The following SLC44A3 variants were observed in gnomAD, a reference collection of about 807,000 sequenced individuals.
SLC44A3 encodes solute carrier family 44 member 3.
A neutral mutation model predicts 75.4 loss-of-function variants in SLC44A3; 74 were observed. The ratio of observed to expected loss-of-function variants is 0.98; its 90% confidence interval spans 0.81 to 1.19. The LOEUF (loss-of-function observed/expected upper bound fraction) is 1.19. Among genes scored for constraint, SLC44A3 ranks in the 50% most tolerant of loss-of-function variants. SLC44A3 has a pLI of 0.00. For missense variants in SLC44A3, 700 were observed against 778.6 expected (o/e 0.90, Z 1.20); for synonymous variants, 310 against 296.9 (o/e 1.04, Z -0.45).
rs780411956 is a variant in SLC44A3, at chr1:94,894,843, TAAAC to T, written c.1886_1889del (p.Asn629MetfsTer11). ...AGTTTCGTAAAAAGGAGCAACAAAT[TAAAC>T]AATGCAAGGGCACAGCAGGACAAGC... is the stretch of plus-strand genomic sequence containing the variant. On this transcript the variant is annotated frameshift_variant, in exon 15 of 15. Transcript: ENST00000271227. LOFTEE classifies it low-confidence loss of function (END_TRUNC). The T allele has an allele frequency of 1.9e-6, 3 of 1,611,552 alleles. No individual in the cohort carries two copies. The African/African-American group carries it at 4.0e-5, about 22-fold the overall frequency.
At chr1:94,825,105 GT>G (rs1195263605) in intron 3 of SLC44A3, among the ~76,000 whole-genome samples, 1 of 152,136 alleles carries the variant, frequency 6.6e-6, no homozygotes, top group Non-Finnish European at 1.5e-5. Context: ...CTGGGGACCT[GT>G]GTCCCACCCC....
In SLC44A3 at chr1:94,864,887, A is replaced by G. The variant is rs1666984352; in HGVS notation, c.1383A>G (p.Ala461=). ...TCATTGTCATGTACATGCAAAACGC[A>G]CTGAAAGAACAGGTAAGGCTACCTC... ...PRIIVMYMQN[A]LKEQQHGALS... Residue 461 remains alanine (A), a synonymous_variant, in exon 11 of 15, where the codon GCA becomes GCG. Transcript: ENST00000271227. The G allele has an allele frequency of 4.3e-6, 7 of 1,613,624 alleles. No homozygotes were observed. Among genetic ancestry groups the G allele is most frequent in the Non-Finnish European group, 5.1e-6 (6 of 1,179,850 alleles).
chr1:94,888,239 T>C (rs1669818167), intron 12 of SLC44A3, among the ~76,000 whole-genome samples: 1 of 152,176 alleles, frequency 6.6e-6, no homozygotes, highest in African/African-American at 2.4e-5. Context: ...TAAATAGCAA[T>C]TTTTCCTAAT....
intron 6 of SLC44A3, 46 bp from the exon 7 acceptor site, chr1:94,839,902 A>G: frequency 7.2e-6 from 10 of 1,396,604 alleles, no homozygotes; most frequent in Non-Finnish European, 8.1e-6. Flanking sequence ...CATCTCCCCT[A>G]TCCTTTGTTG....
chr1:94,854,587 T>C (rs1227906332), intron 9 of SLC44A3, among the ~76,000 whole-genome samples: 1 of 152,238 alleles, frequency 6.6e-6, no homozygotes, highest in Non-Finnish European at 1.5e-5. Context: ...GGCAGTCATG[T>C]GTGCCTAAGC....
intron 6 of SLC44A3, 111 bp downstream of exon 6, chr1:94,837,982 G>A (rs1280828337): frequency 3.0e-6 from 3 of 1,011,478 alleles, no homozygotes; most frequent in Non-Finnish European, 4.2e-6. Context: ...ATAAAACTCT[G>A]TATTTTTAAT....
chr1:94,849,353 C>T (rs559909741), intron 9 of SLC44A3, among the ~76,000 whole-genome samples: 1 of 152,132 alleles, frequency 6.6e-6, no homozygotes, highest in African/African-American at 2.4e-5. Flanking sequence ...CACCACCCCC[C>T]TTCCCCACCC....
intron 6 of SLC44A3, 87 bp from the exon 7 acceptor site, chr1:94,839,861 C>A (rs1557821922): frequency 1.1e-6 from 1 of 902,084 alleles, no homozygotes; most frequent in South Asian, 1.3e-5. Context: ...CGTCACTGTT[C>A]TGGAGGGTTT....
chr1:94,841,694 T>G (rs1663668522), intron 7 of SLC44A3, among the ~76,000 whole-genome samples: 1 of 152,076 alleles, frequency 6.6e-6, no homozygotes, highest in African/African-American at 2.4e-5. Flanking sequence ...GTCCATGGGG[T>G]TTTCCTCCTG....
chr1:94,873,962 G>T (rs1312804989), intron 12 of SLC44A3, among the ~76,000 whole-genome samples: 1 of 152,208 alleles, frequency 6.6e-6, no homozygotes, highest in Non-Finnish European at 1.5e-5. Flanking sequence ...GACAGCGGTG[G>T]TTCTGAATCC....
intron 3 of SLC44A3, among the ~76,000 whole-genome samples, chr1:94,826,141 C>A (rs966564443): frequency 2.0e-5 from 3 of 152,160 alleles, no homozygotes; most frequent in African/African-American, 7.2e-5. Context: ...CACAAAAATA[C>A]AAACATTGTA....
chr1:94,881,454 C>T (rs1668966884), intron 12 of SLC44A3, among the ~76,000 whole-genome samples: 1 of 152,184 alleles, frequency 6.6e-6, no homozygotes, highest in Admixed American at 6.5e-5. Flanking sequence ...CCTGTAATCC[C>T]AGCGCTTTGG....
intron 5 of SLC44A3, among the ~76,000 whole-genome samples, chr1:94,833,085 G>A (rs1453688678): frequency 6.6e-6 from 1 of 152,132 alleles, no homozygotes; most frequent in South Asian, 2.1e-4. Flanking sequence ...GAAGGCCATA[G>A]TCCAGGAAGG....
Position 94,824,522 on chromosome 1 carries a change from T to C in SLC44A3, c.165T>C (p.Ala55=). The C allele has an allele frequency of 6.2e-7, 1 of 1,609,786 alleles. No homozygotes were observed. Among genetic ancestry groups the C allele is most frequent in the South Asian group, 1.1e-5 (1 of 90,542 alleles). The change falls in exon 3 of 15, where the codon GCT becomes GCC. Residue 55 remains alanine (A), a synonymous_variant. Coordinates refer to ENST00000271227, the MANE Select transcript of SLC44A3 (RefSeq NM_001114106.3). ...LVFIMGYSVV[A]GAAGRLLFGY... ...TTATCATGGGCTACTCGGTGGTGGC[T>C]GGAGCCGCGGGAAGACTCCTCTTTG...
chr1:94,828,634 G>A, intron 5 of SLC44A3, 48 bp downstream of exon 5: 1 of 1,517,840 alleles, frequency 6.6e-7, no homozygotes, highest in South Asian at 1.1e-5. Flanking sequence ...AAGTTACTGG[G>A]TACTTGGTGT....
intron 13 of SLC44A3, 25 bp downstream of exon 13, chr1:94,891,292 G>A (rs1670181636): frequency 6.3e-7 from 1 of 1,575,396 alleles, no homozygotes. Context: ...CTAAATAAAG[G>A]AGCCTGGGAT....
intron 12 of SLC44A3, among the ~76,000 whole-genome samples, chr1:94,876,563 C>G (rs554450404): frequency 6.6e-6 from 1 of 152,304 alleles, no homozygotes; most frequent in African/African-American, 2.4e-5. Context: ...AAGAAAAAAG[C>G]ATATGAAAGG....
intron 12 of SLC44A3, among the ~76,000 whole-genome samples, chr1:94,880,104 G>A (rs911366544): frequency 1.3e-5 from 2 of 152,164 alleles, no homozygotes; most frequent in Admixed American, 6.5e-5. Flanking sequence ...ATGGAAAACA[G>A]TATGGAGTTT....
At chr1:94,821,119 GTCCCAAA>G (rs1660517029) in intron 2 of SLC44A3, 63 bp downstream of exon 2, 10 of 1,340,132 alleles carry the variant, frequency 7.5e-6, no homozygotes, top group Non-Finnish European at 9.3e-6. Flanking sequence ...AAATAACTCT[GTCCCAAA>G]TGTAAATCGT....
Sources: allele counts gnomAD v4.1 joint callset (sites outside exome capture counted in the v4.1 genomes callset), GRCh38; gene constraint gnomAD v4.1.1; transcripts MANE v1.5; gene names NCBI Gene and HGNC (gene_info 2026-07-23, HGNC 2026-07-21).